GSDMC: variants seen among roughly 807,000 people sequenced by gnomAD.
GSDMC encodes gasdermin-C.
In GSDMC, 59 loss-of-function variants were observed where a neutral mutation model predicts 58.0. The observed-to-expected ratio is 1.02, with a 90% CI of 0.82 to 1.26. The LOEUF is 1.26. Among genes scored for constraint, GSDMC ranks in the 50% most tolerant of loss-of-function variants. The pLI is 0.00. For missense variants in GSDMC, 659 were observed against 598.5 expected (o/e 1.10, Z -1.06); for synonymous variants, 241 against 220.2 (o/e 1.09, Z -0.83).
chr8:129,716,526 A>G, the GSDMC span, among the ~76,000 whole-genome samples: 1 of 152,176 alleles, frequency 6.6e-6, no homozygotes, highest in Admixed American at 6.5e-5. Context: ...GGCTGAGACA[A>G]TGGGGTTTTC....
chr8:129,765,767 AAT>A lies in GSDMC; in HGVS notation c.429_430del (p.Phe144SerfsTer19), dbSNP rs761430849. 6.2e-7 allele frequency: 1 copy of A among 1,614,040 alleles called. No homozygotes were observed. The stretch of plus-strand genomic sequence containing the variant: ...CCCTCTCCTCCGGCACTCCTTCAGA[AAT>A]GATGGCTCTGGATCCAACAGTTTCC... On this transcript the variant is annotated frameshift_variant, in exon 4 of 14. Coordinates refer to ENST00000276708, the MANE Select transcript of GSDMC (RefSeq NM_031415.3). LOFTEE classifies it high-confidence loss of function.
intron 6 of GSDMC, among the ~76,000 whole-genome samples, chr8:129,753,601 T>C (rs903690971): frequency 2.6e-5 from 4 of 152,130 alleles, no homozygotes; most frequent in Non-Finnish European, 4.4e-5. Context: ...CTCCTTCTGT[T>C]TGAGAAAAGC....
At chr8:129,740,590 A>G in the GSDMC span, among the ~76,000 whole-genome samples, 47 of 152,332 alleles carry the variant, frequency 3.1e-4, no homozygotes, top group South Asian at 6.2e-3. Context: ...GCCATACCAT[A>G]TAGCTTAGGT....
the GSDMC span, among the ~76,000 whole-genome samples, chr8:129,741,397 T>A: frequency 2.0e-5 from 3 of 152,298 alleles, no homozygotes; most frequent in East Asian, 1.9e-4. Flanking sequence ...AGAATTTTGA[T>A]AAGAATTGCA....
At chr8:129,752,855 C>A in intron 6 of GSDMC, 35 bp from the exon 7 acceptor site, 1 of 1,613,660 alleles carries the variant, frequency 6.2e-7, no homozygotes, top group Non-Finnish European at 8.5e-7. Flanking sequence ...GACTGGGTAA[C>A]TTTACATTGA....
chr8:129,730,135 ATCTC>A, the GSDMC span: 1 of 979,678 alleles, frequency 1.0e-6, no homozygotes, highest in Non-Finnish European at 1.5e-6. Flanking sequence ...AACAAGAGAG[ATCTC>A]ACCCGAAAAA....
intron 1 of GSDMC, among the ~76,000 whole-genome samples, chr8:129,783,878 TG>T (rs1478121436): frequency 6.6e-6 from 1 of 152,232 alleles, no homozygotes; most frequent in East Asian, 1.9e-4. Context: ...AGCATGGTAC[TG>T]GCATGAAAAC....
At chr8:129,732,695 A>G in the GSDMC span, among the ~76,000 whole-genome samples, 4 of 152,238 alleles carry the variant, frequency 2.6e-5, no homozygotes, top group African/African-American at 2.4e-5. Context: ...ATTCTCTTCC[A>G]AGATGGCCGA....
the GSDMC span, among the ~76,000 whole-genome samples, chr8:129,743,178 C>T: frequency 6.6e-6 from 1 of 152,094 alleles, no homozygotes; most frequent in Non-Finnish European, 1.5e-5. Flanking sequence ...AAATTTTCAG[C>T]ACGTATTTCT....
At chr8:129,714,086 C>T in the GSDMC span, among the ~76,000 whole-genome samples, 1 of 152,208 alleles carries the variant, frequency 6.6e-6, no homozygotes, top group African/African-American at 2.4e-5. Flanking sequence ...ATGCTGCAGA[C>T]AGGGAGTGAC....
downstream of GSDMC, among the ~76,000 whole-genome samples, chr8:129,747,206 G>A (rs565892857): frequency 1.0e-3 from 154 of 151,402 alleles, 1 homozygote; most frequent in Middle Eastern, 3.4e-3. Flanking sequence ...GCAGTGAGCC[G>A]AGATCGTGCC....
chr8:129,727,113 C>A, the GSDMC span, among the ~76,000 whole-genome samples: 1 of 151,938 alleles, frequency 6.6e-6, no homozygotes, highest in African/African-American at 2.4e-5. Context: ...TCAGAATGTG[C>A]CCTTATTTGG....
rs184010727 is a variant in GSDMC, at chr8:129,772,162, T to G, written c.404+3940A>C. Among the ~76,000 whole-genome samples, 44 of 149,810 alleles carry G rather than the reference T, an allele frequency of 2.9e-4. No homozygotes were observed. The East Asian group carries it at 4.5e-3, about 15-fold the overall frequency. On this transcript the variant is annotated intron_variant, in intron 3 of 13. Transcript: ENST00000276708. ...TGTAGTCCCAGCTGCTCGGGAGGCT[T>G]AGGCAGGAGAATGGCATGAACCCGG...
the GSDMC span, among the ~76,000 whole-genome samples, chr8:129,719,604 G>A: frequency 1.5e-4 from 23 of 152,204 alleles, no homozygotes; most frequent in East Asian, 2.9e-3. Flanking sequence ...GAATACTTAC[G>A]GAGGTAGATC....
At chr8:129,738,779 T>C in the GSDMC span, among the ~76,000 whole-genome samples, 2 of 151,684 alleles carry the variant, frequency 1.3e-5, no homozygotes, top group Admixed American at 1.3e-4. Flanking sequence ...CGTTGTGCAC[T>C]TGTACCCTAG....
chr8:129,783,991 A>G (rs1226640720), intron 1 of GSDMC, among the ~76,000 whole-genome samples: 1 of 152,188 alleles, frequency 6.6e-6, no homozygotes, highest in Non-Finnish European at 1.5e-5. Flanking sequence ...TACATTAGAG[A>G]AAGGACAGTC....
downstream of GSDMC, among the ~76,000 whole-genome samples, chr8:129,745,574 A>G (rs61199848): frequency 0.32 from 49,119 of 151,782 alleles, 11,525 homozygotes; most frequent in African/African-American, 0.65. Context: ...ACTTTCTAAT[A>G]TACTATATAA....
intron 3 of GSDMC, among the ~76,000 whole-genome samples, chr8:129,766,943 A>C (rs1370065179): frequency 1.3e-5 from 2 of 152,222 alleles, no homozygotes; most frequent in African/African-American, 4.8e-5. Flanking sequence ...AGAAGTGGTC[A>C]AGGCTTCAGC....
intron 13 of GSDMC, 98 bp downstream of exon 13, chr8:129,749,354 C>A (rs950695673): frequency 1.1e-5 from 10 of 890,180 alleles, no homozygotes; most frequent in African/African-American, 4.9e-5. Context: ...CCCCTCCCAG[C>A]AAAAACCTGT....
Sources: allele counts gnomAD v4.1 joint callset (sites outside exome capture counted in the v4.1 genomes callset), GRCh38; gene constraint gnomAD v4.1.1; transcripts MANE v1.5; gene names NCBI Gene and HGNC (gene_info 2026-07-23, HGNC 2026-07-21).